Variants in MYO10 observed in about 807,000 individuals in gnomAD.
The protein encoded by MYO10 is myosin X.
A neutral mutation model predicts 257.3 loss-of-function variants in MYO10; 133 were observed. That is an observed-to-expected ratio of 0.52 (90% CI 0.45 to 0.60). The LOEUF (loss-of-function observed/expected upper bound fraction) is 0.60. Among genes scored for constraint, MYO10 ranks in the 20% least tolerant of loss-of-function variants. The pLI is 0.00. For missense variants in MYO10, 2,399 were observed against 2,635.7 expected, an observed-to-expected ratio of 0.91 and a Z score of 1.97; for synonymous variants, 1,104 against 1,028.6, an observed-to-expected ratio of 1.07 and a Z score of -1.40.
intron 19 of MYO10, among the ~76,000 whole-genome samples, chr5:16,746,147 C>A (rs1740187318): frequency 6.6e-6 from 1 of 152,090 alleles, no homozygotes; most frequent in Non-Finnish European, 1.5e-5. Flanking sequence ...CATGCCTCCC[C>A]TTTTTAGACG....
chr5:16,926,704 CAAAA>C (rs34123697), intron 1 of MYO10, among the ~76,000 whole-genome samples: 3 of 134,732 alleles, frequency 2.2e-5, no homozygotes, highest in Admixed American at 7.7e-5. Flanking sequence ...TCTGTCCCAG[CAAAA>C]AAAAAAAAAA....
At position 16,795,109 on chromosome 5, in the gene MYO10, C is replaced by T. The variant is rs372348749; in HGVS notation, c.280-276G>A. Among the ~76,000 whole-genome samples the T allele has an allele frequency of 1.2e-4, 15 of 126,734 alleles. No individual in the cohort carries two copies. The East Asian group carries it at 2.2e-3, about 19-fold the overall frequency. 83.1% of individuals were successfully genotyped at this position (126,734 alleles called of 152,430 possible). On this transcript the variant is annotated intron_variant, in intron 3 of 40. Transcript: ENST00000513610. ...TCCCCAGGCCCAGATCCCTGCTCCC[C>T]GCTGACCTCACCAATCTTAATCCCT... is the stretch of plus-strand genomic sequence containing the variant.
chr5:16,905,610 A>C (rs1745499194), intron 1 of MYO10, among the ~76,000 whole-genome samples: 1 of 152,136 alleles, frequency 6.6e-6, no homozygotes, highest in East Asian at 1.9e-4. Context: ...GCAAAACAAG[A>C]AAGTTCCATT....
intron 2 of MYO10, among the ~76,000 whole-genome samples, chr5:16,866,754 C>G (rs2126751498): frequency 6.6e-6 from 1 of 152,254 alleles, no homozygotes; most frequent in East Asian, 1.9e-4. Flanking sequence ...AGAATCTAAC[C>G]CTATCTGTCC....
intron 19 of MYO10, chr5:16,738,235 C>G (rs990742459): frequency 1.0e-6 from 1 of 985,026 alleles, no homozygotes; most frequent in Non-Finnish European, 1.2e-6. Flanking sequence ...TCCAGAGGAA[C>G]CAGTCAAGAG....
intron 19 of MYO10, among the ~76,000 whole-genome samples, chr5:16,741,249 CAT>C (rs1379155414): frequency 1.3e-5 from 2 of 152,190 alleles, no homozygotes; most frequent in Non-Finnish European, 2.9e-5. Flanking sequence ...AAAATTCCAA[CAT>C]GTGTATGCTT....
chr5:16,885,296 T>C (rs1744866349), intron 1 of MYO10, among the ~76,000 whole-genome samples: 1 of 151,642 alleles, frequency 6.6e-6, no homozygotes, highest in East Asian at 1.9e-4. Flanking sequence ...CTGTCTCAAC[T>C]CCCAAATGCT....
intron 5 of MYO10, among the ~76,000 whole-genome samples, chr5:16,783,029 C>T (rs1409124470): frequency 3.3e-5 from 5 of 152,190 alleles, no homozygotes; most frequent in Admixed American, 1.3e-4. Flanking sequence ...ATACAAGTGC[C>T]TTATCTGATG....
At chr5:16,864,045 C>T (rs1302905723) in intron 2 of MYO10, among the ~76,000 whole-genome samples, 1 of 152,046 alleles carries the variant, frequency 6.6e-6, no homozygotes, top group Non-Finnish European at 1.5e-5. Context: ...TTGCAGCGAG[C>T]CAAGATTGTA....
intron 1 of MYO10, among the ~76,000 whole-genome samples, chr5:16,889,508 AAGGAAGGAAGGAAGGAAGGAAGGAAGG>A (rs1744987979): frequency 1.4e-5 from 1 of 69,426 alleles, no homozygotes; most frequent in South Asian, 3.7e-4. Flanking sequence ...GGAAGGAAGG[AAGGAAGGAAGGAAGGAAGGAAGGAAGG>A]GCGGACGAAA....
At chr5:16,836,237 T>C (rs926652900) in intron 2 of MYO10, among the ~76,000 whole-genome samples, 1 of 152,228 alleles carries the variant, frequency 6.6e-6, no homozygotes, top group African/African-American at 2.4e-5. Context: ...CATTTTAGAA[T>C]GCGATGGAAT....
At chr5:16,818,398 G>A (rs113195061) in intron 2 of MYO10, among the ~76,000 whole-genome samples, 8,429 of 106,874 alleles carry the variant, frequency 0.079, 333 homozygotes, top group South Asian at 0.19. Context: ...GTGTGTGTGT[G>A]TGTGTGTGTG....
chr5:16,828,569 G>C (rs1743068150), intron 2 of MYO10, among the ~76,000 whole-genome samples: 1 of 148,068 alleles, frequency 6.8e-6, no homozygotes, highest in Non-Finnish European at 1.5e-5. Flanking sequence ...GCAGTGAGCT[G>C]AGATTGCGCC....
intron 1 of MYO10, among the ~76,000 whole-genome samples, chr5:16,904,745 C>G (rs112032900): frequency 0.013 from 2,053 of 152,142 alleles, 45 homozygotes; most frequent in African/African-American, 0.046. Context: ...CTGGCTAACA[C>G]GGTGAAACCC....
At chr5:16,861,715 T>G (rs1490367787) in intron 2 of MYO10, among the ~76,000 whole-genome samples, 1 of 152,146 alleles carries the variant, frequency 6.6e-6, no homozygotes, top group Non-Finnish European at 1.5e-5. Flanking sequence ...CCCTGGGGCC[T>G]GCAGAGAAAA....
intron 4 of MYO10, among the ~76,000 whole-genome samples, chr5:16,790,444 A>G (rs1248170523): frequency 2.6e-5 from 4 of 152,026 alleles, no homozygotes; most frequent in African/African-American, 9.7e-5. Flanking sequence ...TTGTACTCCC[A>G]TGGTTCCCGC....
intron 1 of MYO10, among the ~76,000 whole-genome samples, chr5:16,905,305 G>A (rs1486732273): frequency 6.6e-6 from 1 of 152,122 alleles, no homozygotes; most frequent in East Asian, 1.9e-4. Flanking sequence ...AAAGCTCACT[G>A]TTACTAATAT....
chr5:16,667,031 T>G (rs1736205867), intron 40 of MYO10, among the ~76,000 whole-genome samples: 1 of 152,226 alleles, frequency 6.6e-6, no homozygotes, highest in Non-Finnish European at 1.5e-5. Context: ...CGTGCCAACT[T>G]GGCTTGATGG....
rs549036232 is a variant in MYO10, at chr5:16,839,866, G to T, written c.121-21699C>A. On this transcript the variant is annotated intron_variant, in intron 2 of 40. Transcript: ENST00000513610. ...TAGGCTAGGCTATGGCGTTCAGTAG[G>T]TTAGGTGGATTAAATGCATCTTTGA... 2.6e-3 allele frequency among the ~76,000 whole-genome samples: 396 copies of T among 152,328 alleles called. 3 individuals are homozygous for T. Among genetic ancestry groups the T allele is most frequent in the African/African-American group, 8.9e-3 (370 of 41,572 alleles).
Sources: allele counts gnomAD v4.1 joint callset (sites outside exome capture counted in the v4.1 genomes callset), GRCh38; gene constraint gnomAD v4.1.1; transcripts MANE v1.5; gene names NCBI Gene and HGNC (gene_info 2026-07-23, HGNC 2026-07-21).